The following STYXL2 variants were observed in gnomAD, a reference collection of about 807,000 sequenced individuals.
The protein encoded by STYXL2 is serine/threonine/tyrosine interacting like 2.
In STYXL2, 44 loss-of-function variants were observed where a neutral mutation model predicts 52.4. The observed-to-expected ratio is 0.84, with a 90% CI of 0.66 to 1.08. The LOEUF is 1.08. STYXL2 is among the 50% of genes least tolerant of loss of function. STYXL2 has a pLI of 0.00. For missense variants in STYXL2, 1,604 were observed against 1,471.7 expected (o/e 1.09, Z -1.47); for synonymous variants, 604 against 586.9 (o/e 1.03, Z -0.42).
rs1228476309 is a variant in STYXL2, at chr1:167,126,323, A to G, written c.1192A>G (p.Ser398Gly). The G allele has an allele frequency of 6.6e-7, 1 of 1,519,120 alleles. No individual in the cohort carries two copies. The highest frequency in any genetic ancestry group is 1.4e-5 in the African/African-American group (1 of 72,452). 94.1% of individuals were successfully genotyped at this position (1,519,120 alleles called of 1,614,324 possible). A position where few individuals can be genotyped will look rare whatever the true frequency, so the allele number is the denominator to read the frequency against. The change falls in exon 6 of 6, where the codon AGC becomes GGC. Residue 398 changes from serine to glycine, a missense_variant. Ser to Gly is a moderately conservative substitution (Grantham distance 56, BLOSUM62 0). Transcript: ENST00000361200. ...GGAGAGGATCATCCAGGAGTGGCAG[A>G]GCCGAAACGAGAGGTACCAAGCAGA... ...DVERIIQEWQ[S>G]RNERYQAEGY...
intron 5 of STYXL2, among the ~76,000 whole-genome samples, chr1:167,125,154 C>T (rs1243193584): frequency 1.3e-5 from 2 of 152,088 alleles, no homozygotes; most frequent in African/African-American, 2.4e-5. Flanking sequence ...TACAATGTAT[C>T]CATAGTTGAC....
chr1:167,120,057 A>G (rs1188433746), intron 5 of STYXL2, among the ~76,000 whole-genome samples: 1 of 152,228 alleles, frequency 6.6e-6, no homozygotes, highest in Non-Finnish European at 1.5e-5. Context: ...AGGAAGCTAA[A>G]AGCCAGGGTA....
chr1:167,125,746 C>A, intron 5 of STYXL2, 41 bp from the exon 6 acceptor site: 1 of 1,538,134 alleles, frequency 6.5e-7, no homozygotes. Context: ...TACAAGGAAG[C>A]CACTGTCATT....
Position 167,127,399 on chromosome 1 carries a change from A to G in STYXL2, c.2268A>G (p.Ala756=). The G allele has an allele frequency of 6.2e-7, 1 of 1,614,208 alleles. No homozygotes were observed. Among genetic ancestry groups the G allele is most frequent in the Non-Finnish European group, 8.5e-7 (1 of 1,180,038 alleles). Residue 756 remains alanine, a synonymous_variant, in exon 6 of 6, where the codon GCA becomes GCG. Coordinates refer to ENST00000361200, the MANE Select transcript of STYXL2 (RefSeq NM_001080426.3). The part of the protein sequence containing the change: ...SRSPSVASMK[A]VPAASCLGDD... ...CACCGTCTGTTGCAAGCATGAAGGC[A>G]GTACCAGCGGCTAGCTGCCTGGGGG... is the stretch of plus-strand genomic sequence containing the variant.
chr1:167,115,260 T>C (rs1170862247), intron 3 of STYXL2, among the ~76,000 whole-genome samples: 2 of 152,218 alleles, frequency 1.3e-5, no homozygotes, highest in Admixed American at 6.5e-5. Context: ...AAACAATATA[T>C]GCTCACTAGT....
At chr1:167,102,300 T>TA (rs139540519) in intron 2 of STYXL2, among the ~76,000 whole-genome samples, 2 of 113,458 alleles carry the variant, frequency 1.8e-5, no homozygotes, top group Non-Finnish European at 4.3e-5. Context: ...AGCTGTTTTT[T>TA]AAAAATATAT....
chr1:167,127,054 G>A lies in STYXL2; in HGVS notation c.1923G>A (p.Gln641=), dbSNP rs1667989405. The change falls in exon 6 of 6, where the codon CAG becomes CAA. Residue 641 remains glutamine (Q), a synonymous_variant. Transcript: ENST00000361200. The stretch of plus-strand genomic sequence containing the variant: ...GCCGGCAGACGCTGGAGGAGAGCCA[G>A]TCTATGGCAAGCTGGGAGGCGGACA... ...ERSRQTLEES[Q]SMASWEADSS... is the part of the protein sequence containing the mutation. The A allele has an allele frequency of 6.2e-7, 1 of 1,611,546 alleles. No homozygotes were observed. Among genetic ancestry groups the A allele is most frequent in the African/African-American group, 1.3e-5 (1 of 74,892 alleles).
Position 167,099,271 on chromosome 1 carries a change from A to C in STYXL2, c.110+4312A>C, listed in dbSNP as rs552693349. ...ACTATCTCAGCAACTGATAAAATAA[A>C]AAAAATCAAAAGAATCATTTTTAAT... On this transcript the variant is annotated intron_variant, in intron 2 of 5. Coordinates refer to ENST00000361200, the MANE Select transcript of STYXL2 (RefSeq NM_001080426.3). 6.6e-5 allele frequency among the ~76,000 whole-genome samples: 10 copies of C among 152,338 alleles called. No individual in the cohort carries two copies. The East Asian group carries it at 1.9e-3, about 29-fold the overall frequency.
intron 2 of STYXL2, among the ~76,000 whole-genome samples, chr1:167,102,078 A>G (rs991549168): frequency 1.3e-5 from 2 of 152,034 alleles, no homozygotes; most frequent in African/African-American, 4.8e-5. Context: ...CCATTTATAT[A>G]AAATTCTAGA....
At chr1:167,101,782 C>G (rs1667407718) in intron 2 of STYXL2, among the ~76,000 whole-genome samples, 1 of 142,768 alleles carries the variant, frequency 7.0e-6, no homozygotes, top group South Asian at 2.1e-4. Context: ...GCCTAGGCAA[C>G]AGAGTGACAG....
chr1:167,125,978 G>A lies in STYXL2; in HGVS notation c.847G>A (p.Glu283Lys). The A allele has an allele frequency of 6.2e-7, 1 of 1,613,394 alleles. No homozygotes were observed. The change falls in exon 6 of 6, where the codon GAA (glutamate) becomes AAA (lysine). Residue 283 changes from glutamate (E) to lysine (K), a missense_variant. By Grantham distance (56) the Glu-to-Lys change is moderately conservative. Transcript: ENST00000361200. ...ELNEKLMEER[E>K]EDYGREGGSA... ...CAATGAGAAGTTGATGGAGGAGAGA[G>A]AAGAGGACTATGGCCGGGAGGGGGG...
In STYXL2 at chr1:167,117,332, C is replaced by T. The variant is rs1384369488; in HGVS notation, c.210C>T (p.Leu70=). 1 of 1,605,486 alleles carries T rather than the reference C, an allele frequency of 6.2e-7. No homozygotes were observed. The highest frequency in any genetic ancestry group is 8.5e-7 in the Non-Finnish European group (1 of 1,176,136). Residue 70 remains leucine, a synonymous_variant, in exon 4 of 6, where the codon CTC becomes CTT. Transcript: ENST00000361200. ...IAAKQIINEE[L]KPPGVRADAE... ...AATGCTGCCTGTCTCCTCTAGAACTCAAGCCACCGGGGGTCAGAGCAGACG... is the reference window on the plus strand; with the variant it reads ...AATGCTGCCTGTCTCCTCTAGAACTTAAGCCACCGGGGGTCAGAGCAGACG...
Position 167,127,786 on chromosome 1 carries a change from G to A in STYXL2, c.2655G>A (p.Gly885=). 1 of 1,613,940 alleles carries A rather than the reference G, an allele frequency of 6.2e-7. No homozygotes were observed. Among genetic ancestry groups the A allele is most frequent in the Non-Finnish European group, 8.5e-7 (1 of 1,180,008 alleles). ...ATGAGGATGATGGTGTGGGTGATGG[G>A]GATGAGGACACTGACAGTGCCATAG... The part of the protein sequence containing the change: ...KEDEDDGVGD[G]DEDTDSAIGS... Residue 885 remains glycine, a synonymous_variant, in exon 6 of 6, where the codon GGG becomes GGA. Transcript: ENST00000361200.
chr1:167,123,606 A>G (rs1357596288), intron 5 of STYXL2, among the ~76,000 whole-genome samples: 2 of 152,228 alleles, frequency 1.3e-5, no homozygotes, highest in African/African-American at 4.8e-5. Flanking sequence ...GATGCTCCTT[A>G]TAAGGCTTTT....
At chr1:167,117,823 C>T (rs1034233791) in intron 4 of STYXL2, among the ~76,000 whole-genome samples, 2 of 152,216 alleles carry the variant, frequency 1.3e-5, no homozygotes, top group Non-Finnish European at 2.9e-5. Flanking sequence ...GCCTCTGGGC[C>T]TCCTTTCCTG....
intron 2 of STYXL2, among the ~76,000 whole-genome samples, chr1:167,095,171 T>A (rs79682180): frequency 1.3e-5 from 2 of 149,874 alleles, no homozygotes; most frequent in Non-Finnish European, 3.0e-5. Flanking sequence ...GATATTAATA[T>A]GACCAGGATC....
intron 5 of STYXL2, among the ~76,000 whole-genome samples, chr1:167,120,893 G>T (rs1322623069): frequency 2.1e-5 from 2 of 97,552 alleles, no homozygotes; most frequent in African/African-American, 3.4e-5. Context: ...TATACAGAGA[G>T]AGAGAGAGGT....
intron 3 of STYXL2, 142 bp from the exon 4 acceptor site, chr1:167,117,186 G>T (rs1273066318): frequency 6.9e-6 from 5 of 726,906 alleles, no homozygotes; most frequent in South Asian, 1.8e-5. Flanking sequence ...CCCAATTAAA[G>T]TCCTTCCTGG....
At chr1:167,113,466 G>A (rs979312830) in intron 2 of STYXL2, among the ~76,000 whole-genome samples, 1 of 152,180 alleles carries the variant, frequency 6.6e-6, no homozygotes, top group Admixed American at 6.5e-5. Flanking sequence ...CCACAACATA[G>A]ACCACCATGT....
Sources: gnomAD v4.1 joint callset for allele counts (sites outside exome capture counted in the v4.1 genomes callset) on GRCh38, gnomAD v4.1.1 for gene constraint, MANE v1.5 for transcripts, NCBI Gene and HGNC (gene_info 2026-07-23, HGNC 2026-07-21) for gene names.